DMC1: variants seen among roughly 807,000 people sequenced by gnomAD.
The protein encoded by DMC1 is DNA meiotic recombinase 1.
A neutral mutation model predicts 50.1 loss-of-function variants in DMC1; 27 were observed. That is an observed-to-expected ratio of 0.54 (90% CI 0.40 to 0.74). DMC1 has a LOEUF of 0.74. Ranked by LOEUF, DMC1 falls within the 30% of genes least tolerant of loss-of-function variation. The pLI, the probability that DMC1 is intolerant of heterozygous loss-of-function variation, is 0.00. For synonymous variants in DMC1, 148 were observed against 136.1 expected, an observed-to-expected ratio of 1.09 and a Z score of -0.61; for missense variants, 295 against 420.2, an observed-to-expected ratio of 0.70 and a Z score of 2.60.
At chr22:38,532,547 C>T (rs1424183367) in intron 12 of DMC1, among the ~76,000 whole-genome samples, 2 of 151,962 alleles carry the variant, frequency 1.3e-5, no homozygotes, top group Non-Finnish European at 2.9e-5. Flanking sequence ...GTCTCGATCT[C>T]CTGACCTCGT....
chr22:38,539,569 C>G (rs2090257682), intron 8 of DMC1, among the ~76,000 whole-genome samples, 157 bp from the exon 9 acceptor site: 1 of 152,156 alleles, frequency 6.6e-6, no homozygotes, highest in Non-Finnish European at 1.5e-5. Context: ...AAAGTCTATA[C>G]AAGATTTGTT....
At chr22:38,521,441 C>T (rs112630291) in intron 13 of DMC1, among the ~76,000 whole-genome samples, 167 bp downstream of exon 13, 16 of 151,868 alleles carry the variant, frequency 1.1e-4, no homozygotes, top group African/African-American at 3.6e-4. Context: ...TGGTGGCTCA[C>T]ACCTATAGTC....
intron 8 of DMC1, among the ~76,000 whole-genome samples, chr22:38,540,678 C>A (rs1602737105): frequency 6.6e-6 from 1 of 152,138 alleles, no homozygotes; most frequent in East Asian, 1.9e-4. Flanking sequence ...TCCTAATGCA[C>A]TAGATATGTT....
At chr22:38,520,637 C>T (rs1032896236) in intron 13 of DMC1, among the ~76,000 whole-genome samples, 7 of 151,986 alleles carry the variant, frequency 4.6e-5, no homozygotes, top group Middle Eastern at 3.4e-3. Context: ...GGATTACAGG[C>T]GTGAGCCACT....
At chr22:38,531,327 C>T (rs573778616) in intron 12 of DMC1, among the ~76,000 whole-genome samples, 12 of 152,172 alleles carry the variant, frequency 7.9e-5, no homozygotes, top group Admixed American at 7.2e-4. Context: ...AGGAGCTACT[C>T]CTCTTGCTAT....
intron 6 of DMC1, among the ~76,000 whole-genome samples, chr22:38,554,024 C>G (rs1409143414): frequency 2.0e-5 from 3 of 146,682 alleles, no homozygotes; most frequent in African/African-American, 7.6e-5. Context: ...CCCAGCTACA[C>G]AGGAAGCTGA....
At chr22:38,534,562 C>T (rs2090189798) in intron 12 of DMC1, among the ~76,000 whole-genome samples, 1 of 151,418 alleles carries the variant, frequency 6.6e-6, no homozygotes, top group Admixed American at 6.6e-5. Context: ...AATTAGCCGG[C>T]CATGGTGGCA....
intron 4 of DMC1, among the ~76,000 whole-genome samples, chr22:38,565,362 C>T (rs1295649785): frequency 1.3e-5 from 2 of 152,248 alleles, no homozygotes; most frequent in East Asian, 3.9e-4. Flanking sequence ...AAGACATGGC[C>T]CACCAATGTG....
chr22:38,547,759 G>A (rs567729831), intron 8 of DMC1, among the ~76,000 whole-genome samples: 16 of 152,044 alleles, frequency 1.1e-4, no homozygotes, highest in African/African-American at 1.2e-4. Flanking sequence ...GGCTGGTCTC[G>A]AACTCCTGAC....
At chr22:38,535,410 C>CCA (rs141719568) in intron 12 of DMC1, among the ~76,000 whole-genome samples, 41,460 of 147,876 alleles carry the variant, frequency 0.28, 6,054 homozygotes, top group East Asian at 0.4. Context: ...ATGTACACCT[C>CCA]CACACACACA....
At chr22:38,533,437 T>C (rs983594145) in intron 12 of DMC1, among the ~76,000 whole-genome samples, 3 of 143,226 alleles carry the variant, frequency 2.1e-5, no homozygotes, top group Non-Finnish European at 4.6e-5. Flanking sequence ...AAGTGAGAGA[T>C]AGATATCAAA....
chr22:38,542,575 A>T (rs772259983), intron 8 of DMC1, among the ~76,000 whole-genome samples: 1 of 152,204 alleles, frequency 6.6e-6, no homozygotes, highest in Non-Finnish European at 1.5e-5. Context: ...AAACAGAAAG[A>T]TATTGCATGT....
chr22:38,563,526 GTCTC>G (rs367943861), intron 4 of DMC1, among the ~76,000 whole-genome samples: 2 of 150,560 alleles, frequency 1.3e-5, no homozygotes, highest in Non-Finnish European at 3.0e-5. Flanking sequence ...CTCTCTCTCT[GTCTC>G]TCTCTCTCTC....
downstream of DMC1, among the ~76,000 whole-genome samples, chr22:38,515,647 A>T (rs2089971989): frequency 6.6e-6 from 1 of 151,832 alleles, no homozygotes; most frequent in Non-Finnish European, 1.5e-5. Flanking sequence ...AAAAATACAA[A>T]ACTTAGCCGG....
At chr22:38,569,027 C>CA (rs1013889818) in intron 1 of DMC1, among the ~76,000 whole-genome samples, 12 of 151,670 alleles carry the variant, frequency 7.9e-5, no homozygotes, top group African/African-American at 2.7e-4. Flanking sequence ...ACTAAAAATA[C>CA]AAAAAAATTA....
intron 3 of DMC1, 46 bp from the exon 4 acceptor site, chr22:38,566,782 T>C: frequency 1.9e-6 from 3 of 1,590,720 alleles, no homozygotes; most frequent in Non-Finnish European, 2.6e-6. Flanking sequence ...GATGCCAGCC[T>C]GCAAGGCTCC....
intron 5 of DMC1, among the ~76,000 whole-genome samples, chr22:38,558,963 C>T (rs929701175): frequency 1.3e-5 from 2 of 152,090 alleles, no homozygotes; most frequent in Non-Finnish European, 2.9e-5. Flanking sequence ...TCTTCCTTAA[C>T]TTTACTTGAA....
chr22:38,551,831 G>A (rs1468403902), intron 7 of DMC1, among the ~76,000 whole-genome samples: 1 of 150,738 alleles, frequency 6.6e-6, no homozygotes, highest in African/African-American at 2.4e-5. Flanking sequence ...ATTGAAGTCC[G>A]GCATTTTGAT....
chr22:38,559,888 G>A (rs2090508307), intron 5 of DMC1, among the ~76,000 whole-genome samples: 1 of 151,734 alleles, frequency 6.6e-6, no homozygotes, highest in Non-Finnish European at 1.5e-5. Flanking sequence ...CGTGGTGGCG[G>A]GCACCTGTAA....
Sources: gnomAD v4.1 joint callset for allele counts (sites outside exome capture counted in the v4.1 genomes callset) on GRCh38, gnomAD v4.1.1 for gene constraint, MANE v1.5 for transcripts, NCBI Gene and HGNC (gene_info 2026-07-23, HGNC 2026-07-21) for gene names.